Variants in TMEFF1 observed in about 807,000 individuals in gnomAD.
TMEFF1 encodes tomoregulin-1.
In TMEFF1, 20 loss-of-function variants were observed where a neutral mutation model predicts 47.5. That is an observed-to-expected ratio of 0.42 (90% CI 0.30 to 0.61). TMEFF1 has a LOEUF of 0.61. Ranked by LOEUF, TMEFF1 falls within the 20% of genes least tolerant of loss-of-function variation. TMEFF1 has a pLI of 0.19. For synonymous variants in TMEFF1, 162 were observed against 166.3 expected (o/e 0.97, Z 0.20); for missense variants, 411 against 471.1 (o/e 0.87, Z 1.18).
chr9:100,495,771 G>A (rs1300164638), intron 1 of TMEFF1, among the ~76,000 whole-genome samples: 1 of 151,948 alleles, frequency 6.6e-6, no homozygotes, highest in Admixed American at 6.5e-5. Context: ...AATGATATAG[G>A]ACCTCTAGCA....
chr9:100,519,413 C>CTAAATAAATAAA (rs35043429), intron 5 of TMEFF1, among the ~76,000 whole-genome samples: 1 of 150,130 alleles, frequency 6.7e-6, no homozygotes, highest in South Asian at 2.1e-4. Flanking sequence ...TCTCAAAAGA[C>CTAAATAAATAAA]TAAATAAATA....
At chr9:100,508,552 G>C (rs977951657) in intron 2 of TMEFF1, among the ~76,000 whole-genome samples, 6 of 151,766 alleles carry the variant, frequency 4.0e-5, no homozygotes, top group African/African-American at 9.7e-5. Context: ...TCCAAGAACA[G>C]AGATCATCCT....
intron 4 of TMEFF1, among the ~76,000 whole-genome samples, chr9:100,516,382 T>C (rs981824869): frequency 6.6e-6 from 1 of 152,162 alleles, no homozygotes; most frequent in Non-Finnish European, 1.5e-5. Context: ...TTCAGTGTTA[T>C]ATGGTAATTT....
chr9:100,549,224 G>C lies in TMEFF1; in HGVS notation c.710-871G>C, dbSNP rs536172917. On this transcript the variant is annotated intron_variant, in intron 6 of 9. Transcript: ENST00000374879. ...AATCATGGTAGATGGCAAAGAGGAAGCAGGCACATCTTACATGGCCGGAAA... is the reference window on the plus strand; with the variant it reads ...AATCATGGTAGATGGCAAAGAGGAACCAGGCACATCTTACATGGCCGGAAA... Among the ~76,000 whole-genome samples the C allele has an allele frequency of 8.5e-5, 13 of 152,282 alleles. No individual in the cohort carries two copies. The South Asian group carries it at 2.5e-3, about 29-fold the overall frequency.
At chr9:100,490,498 A>G (rs1837528071) in intron 1 of TMEFF1, among the ~76,000 whole-genome samples, 1 of 152,196 alleles carries the variant, frequency 6.6e-6, no homozygotes, top group South Asian at 2.1e-4. Flanking sequence ...GGAAAAGAAA[A>G]AAAGTGAATA....
chr9:100,514,325 A>AG (rs1342153902), intron 4 of TMEFF1, among the ~76,000 whole-genome samples: 1 of 152,158 alleles, frequency 6.6e-6, no homozygotes, highest in East Asian at 1.9e-4. Flanking sequence ...AAAAAAAAAA[A>AG]AAATGATTAA....
At chr9:100,542,598 T>A (rs1234665671) in intron 5 of TMEFF1, among the ~76,000 whole-genome samples, 2 of 152,234 alleles carry the variant, frequency 1.3e-5, no homozygotes, top group Admixed American at 6.5e-5. Context: ...TATAAACAAT[T>A]TGGCTTCAGT....
intron 1 of TMEFF1, among the ~76,000 whole-genome samples, chr9:100,474,902 C>A (rs1837193223): frequency 6.6e-6 from 1 of 152,136 alleles, no homozygotes; most frequent in Non-Finnish European, 1.5e-5. Flanking sequence ...AAAGGGGTCC[C>A]AGAGGCGCAC....
intron 5 of TMEFF1, among the ~76,000 whole-genome samples, chr9:100,519,125 A>T (rs1838118342): frequency 6.6e-6 from 1 of 152,154 alleles, no homozygotes; most frequent in South Asian, 2.1e-4. Flanking sequence ...CTTAATATTT[A>T]TCTTCAGGCA....
chr9:100,498,703 A>G (rs1159942952), intron 1 of TMEFF1, 62 bp from the exon 2 acceptor site: 1 of 1,490,250 alleles, frequency 6.7e-7, no homozygotes, highest in South Asian at 1.2e-5. Flanking sequence ...ACACACGCGC[A>G]CAGACACACA....
rs769059546 is a variant in TMEFF1, at chr9:100,561,374, G to T, written c.776-23G>T. ...TTCAGCTTGCGTTTCATTGTTGAAC[G>T]ATCTGGTTTATGTTCTTTTAAGATG... On this transcript the variant is annotated intron_variant, in intron 7 of 9. Coordinates refer to ENST00000374879, the MANE Select transcript of TMEFF1 (RefSeq NM_003692.5). 4 of 1,600,444 alleles carry T rather than the reference G, an allele frequency of 2.5e-6. No individual in the cohort carries two copies. The East Asian group carries it at 6.7e-5, about 27-fold the overall frequency.
chr9:100,536,027 G>A (rs1838497793), intron 5 of TMEFF1, among the ~76,000 whole-genome samples: 1 of 151,824 alleles, frequency 6.6e-6, no homozygotes, highest in Non-Finnish European at 1.5e-5. Context: ...GAATTTGGAG[G>A]GTATTTTAAC....
chr9:100,539,211 G>A (rs2118480973), intron 5 of TMEFF1, among the ~76,000 whole-genome samples: 1 of 152,312 alleles, frequency 6.6e-6, no homozygotes, highest in South Asian at 2.1e-4. Context: ...TGGCCTGTGT[G>A]TAGGAGATTT....
intron 5 of TMEFF1, among the ~76,000 whole-genome samples, chr9:100,538,557 G>A (rs1253212169): frequency 6.6e-6 from 1 of 152,202 alleles, no homozygotes; most frequent in Non-Finnish European, 1.5e-5. Flanking sequence ...ACTGCATTTT[G>A]CAGAAATTAT....
intron 7 of TMEFF1, among the ~76,000 whole-genome samples, chr9:100,556,018 C>G (rs1284256318): frequency 6.6e-6 from 1 of 152,178 alleles, no homozygotes; most frequent in African/African-American, 2.4e-5. Context: ...TACCATGATT[C>G]TAGAATTCTT....
intron 5 of TMEFF1, among the ~76,000 whole-genome samples, chr9:100,542,703 A>G (rs538532835): frequency 3.9e-5 from 6 of 152,190 alleles, no homozygotes; most frequent in Non-Finnish European, 8.8e-5. Flanking sequence ...TCTTTTTCTC[A>G]TTATAAAATT....
chr9:100,556,040 T>C (rs1838908129), intron 7 of TMEFF1, among the ~76,000 whole-genome samples: 1 of 152,200 alleles, frequency 6.6e-6, no homozygotes, highest in African/African-American at 2.4e-5. Context: ...TCTGCTTCCT[T>C]GCTTTCTTAA....
chr9:100,474,792 G>A (rs1010317854), intron 1 of TMEFF1, among the ~76,000 whole-genome samples: 1 of 152,228 alleles, frequency 6.6e-6, no homozygotes, highest in Non-Finnish European at 1.5e-5. Context: ...CTCCAAGGCC[G>A]CTTGCCCCCC....
chr9:100,499,579 C>T (rs1837720821), intron 2 of TMEFF1, among the ~76,000 whole-genome samples: 3 of 152,022 alleles, frequency 2.0e-5, no homozygotes, highest in Admixed American at 1.3e-4. Context: ...TCTAAACGTA[C>T]CCACCATTTG....
Sources: allele counts gnomAD v4.1 joint callset (sites outside exome capture counted in the v4.1 genomes callset), GRCh38; gene constraint gnomAD v4.1.1; transcripts MANE v1.5; gene names NCBI Gene and HGNC (gene_info 2026-07-23, HGNC 2026-07-21).